The following ZNF221 variants were observed in gnomAD, a reference collection of about 807,000 sequenced individuals.
ZNF221 encodes the protein zinc finger protein 221.
A neutral mutation model predicts 12.6 loss-of-function variants in ZNF221; 10 were observed. The observed-to-expected ratio is 0.79, with a 90% CI of 0.49 to 1.34. The LOEUF (loss-of-function observed/expected upper bound fraction) is 1.34, where lower values mean the gene tolerates loss of function less well. ZNF221 is among the 40% of genes most tolerant of loss of function. ZNF221 has a pLI of 0.00. For synonymous variants in ZNF221, 232 were observed against 244.0 expected (o/e 0.95, Z 0.46); for missense variants, 661 against 721.4 (o/e 0.92, Z 0.96).
intron 1 of ZNF221, among the ~76,000 whole-genome samples, chr19:43,955,950 A>C (rs1568474550): frequency 6.6e-6 from 1 of 152,200 alleles, no homozygotes; most frequent in African/African-American, 2.4e-5. Flanking sequence ...CATCCCCATT[A>C]GAATGTTTTC....
the ZNF221 span, among the ~76,000 whole-genome samples, chr19:43,974,027 C>G: frequency 6.6e-6 from 1 of 152,130 alleles, no homozygotes; most frequent in African/African-American, 2.4e-5. Flanking sequence ...GTAACGAAAA[C>G]AGCATAGTAC....
In ZNF221 at chr19:43,967,013, A is replaced by C; in HGVS notation, c.1511A>C (p.Lys504Thr). 6.2e-7 allele frequency: 1 copy of C among 1,613,456 alleles called. No individual in the cohort carries two copies. ...LKHQRLHSGE[K>T]PFKCEECGKR... ...CATCAGAGACTCCACAGTGGGGAAA[A>C]ACCTTTCAAATGTGAAGAGTGTGGA... The change falls in exon 5 of 5, where the codon AAA becomes ACA. Residue 504 changes from lysine to threonine, a missense_variant. Physicochemically the swap from Lys to Thr is moderately conservative, Grantham distance 78. Coordinates refer to ENST00000587682, the MANE Select transcript of ZNF221 (RefSeq NM_001297588.2).
In ZNF221 at chr19:43,967,067, A is replaced by G; in HGVS notation, c.1565A>G (p.His522Arg). The part of the protein sequence containing the change: ...GKRFTQSSQL[H>R]SHQTCHTGEK... ...AGATTTACTCAGAGTTCACAACTTC[A>G]TTCCCATCAGACATGCCATACTGGA... The change falls in exon 5 of 5, where the codon CAT (histidine) becomes CGT (arginine). Residue 522 changes from histidine to arginine, a missense_variant. Physicochemically the swap from His to Arg is conservative, Grantham distance 29. Transcript: ENST00000587682. 1 of 1,596,894 alleles carries G rather than the reference A, an allele frequency of 6.3e-7. No homozygotes were observed. The highest frequency in any genetic ancestry group is 1.3e-5 in the African/African-American group (1 of 74,838).
intron 1 of ZNF221, among the ~76,000 whole-genome samples, chr19:43,956,853 A>G (rs956044414): frequency 6.6e-6 from 1 of 152,262 alleles, no homozygotes; most frequent in East Asian, 1.9e-4. Flanking sequence ...TAAATAAGTC[A>G]AACAATTTAA....
Position 43,966,209 on chromosome 19 carries a change from A to T in ZNF221, c.707A>T (p.Asn236Ile). ...TGTGATGTGTGTGGTAAGGAATTTA[A>T]TCAGAGCTCACATCTGCAAACTCAT... ...YKCDVCGKEF[N>I]QSSHLQTHQR... The change falls in exon 5 of 5, where the codon AAT (asparagine) becomes ATT (isoleucine). Residue 236 changes from asparagine to isoleucine, a missense_variant. Coordinates refer to ENST00000587682, the MANE Select transcript of ZNF221 (RefSeq NM_001297588.2). 1 of 1,614,258 alleles carries T rather than the reference A, an allele frequency of 6.2e-7. No homozygotes were observed. Among genetic ancestry groups the T allele is most frequent in the Non-Finnish European group, 8.5e-7 (1 of 1,180,042 alleles).
At chr19:43,954,598 T>G (rs1974725714) in intron 1 of ZNF221, among the ~76,000 whole-genome samples, 1 of 152,188 alleles carries the variant, frequency 6.6e-6, no homozygotes, top group Non-Finnish European at 1.5e-5. Context: ...TAGCCCAATT[T>G]TGCCAGATGG....
At chr19:43,969,853 G>A (rs1975059232), downstream of ZNF221, among the ~76,000 whole-genome samples, 1 of 152,184 alleles carries the variant, frequency 6.6e-6, no homozygotes, top group South Asian at 2.1e-4. Context: ...TGGAGAGTCT[G>A]GGCAATCTGG....
At chr19:43,979,422 C>CATATATATATATATATATAT in the ZNF221 span, among the ~76,000 whole-genome samples, 7 of 138,604 alleles carry the variant, frequency 5.1e-5, no homozygotes, top group African/African-American at 1.9e-4. Flanking sequence ...AACAGTAATA[C>CATATATATATATATATATAT]ATATATATAT....
At chr19:43,977,838 A>G in the ZNF221 span, among the ~76,000 whole-genome samples, 752 of 152,328 alleles carry the variant, frequency 4.9e-3, 2 homozygotes, top group Non-Finnish European at 6.9e-3. Context: ...CAGTTTGGAT[A>G]GTAGATTGGA....
Position 43,966,879 on chromosome 19 carries a change from T to C in ZNF221, c.1377T>C (p.Tyr459=). 1 of 1,614,106 alleles carries C rather than the reference T, an allele frequency of 6.2e-7. No homozygotes were observed. The highest frequency in any genetic ancestry group is 8.5e-7 in the Non-Finnish European group (1 of 1,180,034). Residue 459 remains tyrosine (Y), a synonymous_variant, in exon 5 of 5, where the codon TAT becomes TAC. Coordinates refer to ENST00000587682, the MANE Select transcript of ZNF221 (RefSeq NM_001297588.2). ...PYNCEECGKD[Y]KRRLDLEFHQ... ...ACTGTGAGGAGTGTGGTAAGGACTA[T>C]AAAAGGAGGTTGGATCTTGAGTTTC...
At chr19:43,974,444 C>T in the ZNF221 span, among the ~76,000 whole-genome samples, 2 of 152,136 alleles carry the variant, frequency 1.3e-5, no homozygotes, top group Non-Finnish European at 2.9e-5. Context: ...AAACTATTAT[C>T]AGGGTGAACA....
chr19:43,956,054 G>A lies in ZNF221; in HGVS notation c.-3+4654G>A, dbSNP rs575517590. ...TAGCCTCAGTTAATGCCCCATAGTG[G>A]GGTAGTAAATACTCTTCAAGTCAAA... On this transcript the variant is annotated intron_variant, in intron 1 of 4. Coordinates refer to ENST00000587682, the MANE Select transcript of ZNF221 (RefSeq NM_001297588.2). Among the ~76,000 whole-genome samples, 6 of 152,240 alleles carry A rather than the reference G, an allele frequency of 3.9e-5. No homozygotes were observed. In the South Asian group the frequency reaches 6.2e-4, roughly 16 times the overall value.
chr19:43,963,024 G>A (rs549679330), intron 2 of ZNF221, among the ~76,000 whole-genome samples: 4 of 152,242 alleles, frequency 2.6e-5, no homozygotes, highest in South Asian at 4.1e-4. Flanking sequence ...AAAATAGTAG[G>A]AATGGATAAT....
chr19:43,980,829 G>GA, the ZNF221 span, among the ~76,000 whole-genome samples: 1 of 152,128 alleles, frequency 6.6e-6, no homozygotes, highest in African/African-American at 2.4e-5. Context: ...TGTGTGACCT[G>GA]AAAACATTTT....
At chr19:43,976,782 G>C in the ZNF221 span, 4 of 152,174 alleles carry the variant, frequency 2.6e-5, no homozygotes, top group Admixed American at 2.0e-4. Flanking sequence ...ATTGGAGCAA[G>C]AGTAACCTTT....
the ZNF221 span, among the ~76,000 whole-genome samples, chr19:43,975,425 A>G: frequency 6.6e-6 from 1 of 152,234 alleles, no homozygotes; most frequent in Non-Finnish European, 1.5e-5. Context: ...ATCCTCAGCA[A>G]ACTAACACAG....
the ZNF221 span, among the ~76,000 whole-genome samples, chr19:43,979,580 A>G: frequency 6.6e-6 from 1 of 152,088 alleles, no homozygotes; most frequent in African/African-American, 2.4e-5. Flanking sequence ...GAAAAAAGAA[A>G]TTGCACCTTT....
At chr19:43,979,774 TC>T in the ZNF221 span, among the ~76,000 whole-genome samples, 1 of 152,218 alleles carries the variant, frequency 6.6e-6, no homozygotes, top group Admixed American at 6.5e-5. Context: ...GATATTTTGT[TC>T]CAGAAGTGGT....
intron 1 of ZNF221, among the ~76,000 whole-genome samples, chr19:43,952,846 T>G (rs894765211): frequency 6.6e-6 from 1 of 152,164 alleles, no homozygotes; most frequent in Non-Finnish European, 1.5e-5. Context: ...TGTATTCTTA[T>G]AGAACCATAT....
Sources: gnomAD v4.1 joint callset for allele counts (sites outside exome capture counted in the v4.1 genomes callset) on GRCh38, gnomAD v4.1.1 for gene constraint, MANE v1.5 for transcripts, NCBI Gene and HGNC (gene_info 2026-07-23, HGNC 2026-07-21) for gene names.